The following RSPO3 variants were observed in gnomAD, a reference collection of about 807,000 sequenced individuals.
RSPO3 encodes the protein R-spondin 3.
A neutral mutation model predicts 36.5 loss-of-function variants in RSPO3; 17 were observed. The ratio of observed to expected loss-of-function variants is 0.47; its 90% confidence interval spans 0.32 to 0.70. The LOEUF (loss-of-function observed/expected upper bound fraction) is 0.70. Ranked by LOEUF, RSPO3 falls within the 30% of genes least tolerant of loss-of-function variation. The pLI is 0.04. For missense variants in RSPO3, 294 were observed against 322.5 expected (o/e 0.91, Z 0.68); for synonymous variants, 108 against 107.0 (o/e 1.01, Z -0.06).
intron 4 of RSPO3, among the ~76,000 whole-genome samples, chr6:127,187,024 A>C (rs1327960071): frequency 6.6e-6 from 1 of 152,206 alleles, no homozygotes; most frequent in African/African-American, 2.4e-5. Flanking sequence ...TATGAAATAA[A>C]TATTTAATAA....
chr6:127,166,661 T>C (rs2154167), intron 4 of RSPO3, among the ~76,000 whole-genome samples: 81,203 of 151,762 alleles, frequency 0.54, 21,763 homozygotes, highest in African/African-American at 0.57. Context: ...AAATGTAGTC[T>C]CAAACATTTG....
chr6:127,119,555 C>A (rs1451201273), intron 1 of RSPO3, among the ~76,000 whole-genome samples: 2 of 152,230 alleles, frequency 1.3e-5, no homozygotes, highest in East Asian at 3.9e-4. Context: ...ACTTCAGGTT[C>A]GCGGGAAAGT....
intron 4 of RSPO3, among the ~76,000 whole-genome samples, chr6:127,189,401 G>A (rs1775362860): frequency 6.6e-6 from 1 of 151,918 alleles, no homozygotes; most frequent in East Asian, 1.9e-4. Flanking sequence ...GTGCAGGGGT[G>A]ACTAAAAAGA....
intron 4 of RSPO3, among the ~76,000 whole-genome samples, chr6:127,168,519 T>G (rs1774871435): frequency 6.6e-6 from 1 of 152,116 alleles, no homozygotes; most frequent in Non-Finnish European, 1.5e-5. Flanking sequence ...TTCAAATGGG[T>G]AGATTGCAAA....
At position 127,155,385 on chromosome 6, in the gene RSPO3, A is replaced by G. The variant is rs778297288; in HGVS notation, c.581A>G (p.Asn194Ser). Reference protein sequence around the residue: ...SAKGNLCPPTNETRKCTVQRK... With the variant: ...SAKGNLCPPTSETRKCTVQRK... ...AAGGGTAACCTGTGTCCCCCAACAA[A>G]TGAGACAAGAAAGTGTACAGTGCAA... The change falls in exon 4 of 5, where the codon AAT becomes AGT. Residue 194 changes from asparagine (N) to serine (S), a missense_variant. Coordinates refer to ENST00000356698, the MANE Select transcript of RSPO3 (RefSeq NM_032784.5). 9.3e-6 allele frequency: 15 copies of G among 1,613,848 alleles called. No individual in the cohort carries two copies. Among genetic ancestry groups the G allele is most frequent in the Non-Finnish European group, 1.2e-5 (14 of 1,179,844 alleles).
chr6:127,181,189 C>T (rs1027608008), intron 4 of RSPO3, among the ~76,000 whole-genome samples: 2 of 151,810 alleles, frequency 1.3e-5, no homozygotes, highest in African/African-American at 2.4e-5. Flanking sequence ...ATTACTGCAT[C>T]CCTCCTCACC....
At position 127,174,373 on chromosome 6, in the gene RSPO3, G is replaced by A. The variant is rs541563037; in HGVS notation, c.634+18935G>A. Among the ~76,000 whole-genome samples the A allele has an allele frequency of 4.6e-5, 7 of 152,002 alleles. No individual in the cohort carries two copies. The South Asian group carries it at 1.2e-3, about 27-fold the overall frequency. ...CTAATAGAAAAACGAACAAATTTGT[G>A]TTTGCATTTTAGCATTGCCTGAGTA... On this transcript the variant is annotated intron_variant, in intron 4 of 4. Transcript: ENST00000356698.
At chr6:127,134,826 A>C (rs1029936382) in intron 1 of RSPO3, among the ~76,000 whole-genome samples, 1 of 152,166 alleles carries the variant, frequency 6.6e-6, no homozygotes, top group African/African-American at 2.4e-5. Context: ...GGCTGAAAAC[A>C]ACTAAGGAAC....
At chr6:127,146,951 A>G (rs568787457) in intron 1 of RSPO3, among the ~76,000 whole-genome samples, 16 of 152,226 alleles carry the variant, frequency 1.1e-4, no homozygotes, top group Non-Finnish European at 1.8e-4. Context: ...TGGCATGAAA[A>G]ATGACCCTGT....
intron 4 of RSPO3, among the ~76,000 whole-genome samples, chr6:127,164,368 C>T (rs767626340): frequency 2.0e-5 from 3 of 152,014 alleles, no homozygotes; most frequent in Non-Finnish European, 2.9e-5. Flanking sequence ...AATCTAGAAA[C>T]GTATGTTTTT....
Position 127,147,286 on chromosome 6 carries a change from G to T in RSPO3, c.98-1362G>T, listed in dbSNP as rs376382573. 5.3e-5 allele frequency among the ~76,000 whole-genome samples: 8 copies of T among 152,210 alleles called. No individual in the cohort carries two copies. In the South Asian group the frequency reaches 1.7e-3, roughly 32 times the overall value. ...TACCTCTTCTAACTAAGCTTGGAGGGATTTGTTTTTGTGGTAAAGAACTTA... is the reference window on the plus strand; with the variant it reads ...TACCTCTTCTAACTAAGCTTGGAGGTATTTGTTTTTGTGGTAAAGAACTTA... On this transcript the variant is annotated intron_variant, in intron 1 of 4. Coordinates refer to ENST00000356698, the MANE Select transcript of RSPO3 (RefSeq NM_032784.5).
intron 4 of RSPO3, among the ~76,000 whole-genome samples, chr6:127,194,951 G>C (rs965454559): frequency 2.0e-5 from 3 of 152,092 alleles, no homozygotes; most frequent in Non-Finnish European, 2.9e-5. Flanking sequence ...CCTGCATGTA[G>C]AGAAATTATA....
At chr6:127,182,915 T>C (rs1775218323) in intron 4 of RSPO3, among the ~76,000 whole-genome samples, 1 of 152,038 alleles carries the variant, frequency 6.6e-6, no homozygotes, top group South Asian at 2.1e-4. Flanking sequence ...AAATAAAGCA[T>C]CATTTATGCT....
At chr6:127,183,192 T>G (rs1048018861) in intron 4 of RSPO3, among the ~76,000 whole-genome samples, 3 of 151,998 alleles carry the variant, frequency 2.0e-5, no homozygotes, top group Non-Finnish European at 4.4e-5. Context: ...AGAACTCAAA[T>G]GCCTTCTGGA....
At chr6:127,191,970 C>G (rs896866657) in intron 4 of RSPO3, among the ~76,000 whole-genome samples, 13 of 152,324 alleles carry the variant, frequency 8.5e-5, no homozygotes, top group Admixed American at 7.8e-4. Flanking sequence ...GCCCCAGATT[C>G]ACCATGTCCT....
chr6:127,134,636 T>G (rs1343561819), intron 1 of RSPO3, among the ~76,000 whole-genome samples: 1 of 152,208 alleles, frequency 6.6e-6, no homozygotes, highest in Non-Finnish European at 1.5e-5. Context: ...AAGATATCAG[T>G]TGCCAAAATT....
intron 4 of RSPO3, among the ~76,000 whole-genome samples, chr6:127,170,577 G>T (rs1774915964): frequency 6.6e-6 from 1 of 151,672 alleles, no homozygotes; most frequent in Admixed American, 6.6e-5. Flanking sequence ...TTACACCCAT[G>T]TTCATAGCAG....
chr6:127,120,876 A>G (rs1470094071), intron 1 of RSPO3, among the ~76,000 whole-genome samples: 1 of 152,194 alleles, frequency 6.6e-6, no homozygotes, highest in Non-Finnish European at 1.5e-5. Context: ...GTAACTCCCC[A>G]CCCACTCTTT....
intron 3 of RSPO3, among the ~76,000 whole-genome samples, chr6:127,151,477 G>A (rs1193821450): frequency 6.6e-6 from 1 of 151,938 alleles, no homozygotes; most frequent in Non-Finnish European, 1.5e-5. Flanking sequence ...CTTTGATGCT[G>A]CGGTGATGTT....
Sources: allele counts gnomAD v4.1 joint callset (sites outside exome capture counted in the v4.1 genomes callset), GRCh38; gene constraint gnomAD v4.1.1; transcripts MANE v1.5; gene names NCBI Gene and HGNC (gene_info 2026-07-23, HGNC 2026-07-21).